Variants in MRAS observed in about 807,000 individuals in gnomAD.
The protein encoded by MRAS is ras-related protein M-Ras.
MRAS carries 4 observed loss-of-function variants against 20.9 expected under a neutral mutation model. The ratio of observed to expected loss-of-function variants is 0.19; its 90% CI spans 0.09 to 0.44. The LOEUF (loss-of-function observed/expected upper bound fraction) is 0.44. Ranked by LOEUF, MRAS falls within the 20% of genes least tolerant of loss-of-function variation. MRAS has a pLI of 0.99. For synonymous variants in MRAS, 98 were observed against 102.9 expected (o/e 0.95, Z 0.29); for missense variants, 154 against 277.5 (o/e 0.56, Z 3.16).
rs115024191 is a variant in MRAS, at chr3:138,366,603, T to C, written c.-18-6263T>C. The stretch of plus-strand genomic sequence containing the variant: ...GGGCCAAGGGAAGCAGCAACAATGA[T>C]GAAGAATGCCCTGTAGGATAGTGAA... On this transcript the variant is annotated intron_variant, in intron 1 of 5. Coordinates refer to ENST00000423968, the MANE Select transcript of MRAS (RefSeq NM_001085049.3). Among the ~76,000 whole-genome samples, 334 of 152,294 alleles carry C rather than the reference T, an allele frequency of 2.2e-3. 5 individuals are homozygous for C. Among genetic ancestry groups the C allele is most frequent in the Non-Finnish European group, 3.2e-4 (22 of 68,016 alleles).
intron 2 of MRAS, among the ~76,000 whole-genome samples, chr3:138,381,984 C>T (rs1164183600): frequency 6.6e-6 from 1 of 152,192 alleles, no homozygotes; most frequent in Non-Finnish European, 1.5e-5. Context: ...AGGCCTTAGG[C>T]CAGCTTCAGA....
intron 4 of MRAS, among the ~76,000 whole-genome samples, chr3:138,399,209 T>G (rs1360781607): frequency 3.3e-5 from 5 of 152,038 alleles, no homozygotes. Flanking sequence ...CTGAGCTCAG[T>G]CTCCTGAGCT....
intron 5 of MRAS, 107 bp from the exon 6 acceptor site, chr3:138,402,063 C>A: frequency 9.2e-7 from 1 of 1,082,344 alleles, no homozygotes; most frequent in Non-Finnish European, 1.4e-6. Context: ...ACTAACCCCG[C>A]CAGAACAGGC....
At chr3:138,348,343 G>C (rs2054155631), upstream of MRAS, 1 of 152,272 alleles carries the variant, frequency 6.6e-6, no homozygotes, top group Admixed American at 6.5e-5. Flanking sequence ...CTGGGCCGCG[G>C]GAGAGGCTGC....
chr3:138,403,294 C>T lies in MRAS; in HGVS notation c.*1025C>T, dbSNP rs896181938. On this transcript the variant is annotated 3_prime_UTR_variant, in exon 6 of 6. Coordinates refer to ENST00000423968, the MANE Select transcript of MRAS (RefSeq NM_001085049.3). ...CCTCTCTGATACGAATACACTGACA[C>T]GTCAAAGTAACCTAATGTGGACACC... is the stretch of plus-strand genomic sequence containing the variant. 2.6e-5 allele frequency: 4 copies of T among 152,148 alleles called. No individual in the cohort carries two copies. Among genetic ancestry groups the T allele is most frequent in the South Asian group, 2.1e-4 (1 of 4,828 alleles). The allele number at this position is 152,148 out of a possible 1,614,324, so 9.4% of individuals were successfully genotyped here.
chr3:138,378,745 A>C (rs146891736), intron 2 of MRAS, among the ~76,000 whole-genome samples: 189 of 152,318 alleles, frequency 1.2e-3, no homozygotes, highest in African/African-American at 4.1e-3. Flanking sequence ...ATAACATAAA[A>C]GTTACCATCT....
intron 2 of MRAS, among the ~76,000 whole-genome samples, chr3:138,379,588 C>T (rs1396158015): frequency 3.9e-5 from 6 of 152,150 alleles, no homozygotes; most frequent in Admixed American, 3.9e-4. Context: ...GAACTCCTGA[C>T]CTCAGGTGAT....
Position 138,382,709 on chromosome 3 carries a change from A to G in MRAS, c.193+9633A>G, listed in dbSNP as rs1387538349. ...TGGAATATGCAACTCCCTACACCCA[A>G]CTCTTAGCACAGCCTGGGCTCGTTC... On this transcript the variant is annotated intron_variant, in intron 2 of 5. Coordinates refer to ENST00000423968, the MANE Select transcript of MRAS (RefSeq NM_001085049.3). Among the ~76,000 whole-genome samples, 3 of 152,100 alleles carry G rather than the reference A, an allele frequency of 2.0e-5. No homozygotes were observed. The East Asian group carries it at 5.8e-4, about 29-fold the overall frequency.
chr3:138,362,966 A>G (rs2054480646), intron 1 of MRAS, among the ~76,000 whole-genome samples: 4 of 151,902 alleles, frequency 2.6e-5, no homozygotes, highest in African/African-American at 7.3e-5. Context: ...TTGGCTTTTC[A>G]TGCCTCCATG....
intron 1 of MRAS, among the ~76,000 whole-genome samples, chr3:138,351,195 G>A (rs1560157074): frequency 6.6e-6 from 1 of 152,170 alleles, no homozygotes; most frequent in Non-Finnish European, 1.5e-5. Flanking sequence ...TTCTGCCAAT[G>A]AAATGCCCCC....
intron 1 of MRAS, among the ~76,000 whole-genome samples, chr3:138,350,581 C>T (rs867396934): frequency 1.3e-5 from 2 of 152,096 alleles, no homozygotes; most frequent in East Asian, 1.9e-4. Context: ...GTGAAGCAAG[C>T]GATTGTCTCC....
chr3:138,352,335 A>T (rs1443582595), intron 1 of MRAS, among the ~76,000 whole-genome samples: 1 of 152,192 alleles, frequency 6.6e-6, no homozygotes, highest in African/African-American at 2.4e-5. Flanking sequence ...GGCCCCCAGC[A>T]CTGAGCCCCT....
intron 4 of MRAS, among the ~76,000 whole-genome samples, chr3:138,399,657 TAAC>T (rs1358105550): frequency 6.6e-6 from 1 of 152,196 alleles, no homozygotes; most frequent in African/African-American, 2.4e-5. Context: ...TTATGAAAAA[TAAC>T]AAAGTTATTC....
At chr3:138,371,016 T>C (rs1293998307) in intron 1 of MRAS, among the ~76,000 whole-genome samples, 3 of 152,272 alleles carry the variant, frequency 2.0e-5, no homozygotes, top group East Asian at 3.9e-4. Flanking sequence ...CTTTAACTTT[T>C]CCCCCCAACA....
intron 1 of MRAS, among the ~76,000 whole-genome samples, chr3:138,360,761 A>G (rs1254099394): frequency 6.6e-6 from 1 of 152,230 alleles, no homozygotes; most frequent in Non-Finnish European, 1.5e-5. Flanking sequence ...GGAAATGCAG[A>G]CAGCAGACAC....
intron 1 of MRAS, among the ~76,000 whole-genome samples, chr3:138,372,503 G>A (rs1468863727): frequency 1.3e-5 from 2 of 152,148 alleles, no homozygotes; most frequent in Non-Finnish European, 2.9e-5. Context: ...GAACCTCCAT[G>A]CCAGCCCTGC....
chr3:138,350,865 C>T lies in MRAS; in HGVS notation c.-19+2098C>T, dbSNP rs554483230. 6.0e-5 allele frequency among the ~76,000 whole-genome samples: 9 copies of T among 150,988 alleles called. No homozygotes were observed. The South Asian group carries it at 1.1e-3, about 18-fold the overall frequency. On this transcript the variant is annotated intron_variant, in intron 1 of 5. Transcript: ENST00000423968. ...GGCTGAGGTGGGAGGATTGCTTAAGCCCAGAAGGCAGAGGTTGGAGTGAGC... is the reference window on the plus strand; with the variant it reads ...GGCTGAGGTGGGAGGATTGCTTAAGTCCAGAAGGCAGAGGTTGGAGTGAGC...
chr3:138,403,274 C>G lies in MRAS; in HGVS notation c.*1005C>G, dbSNP rs2055396689. ...ATCAGCTGTGCTGCTTGGTGCCTCT[C>G]TGATACGAATACACTGACACGTCAA... is the stretch of plus-strand genomic sequence containing the variant. On this transcript the variant is annotated 3_prime_UTR_variant, in exon 6 of 6. Transcript: ENST00000423968. The G allele has an allele frequency of 6.6e-6, 1 of 152,212 alleles. No individual in the cohort carries two copies. The highest frequency in any genetic ancestry group is 2.1e-4 in the South Asian group (1 of 4,836). The allele number at this position is 152,212 out of a possible 1,614,324, so 9.4% of individuals were successfully genotyped here.
At chr3:138,362,940 A>G (rs1292021070) in intron 1 of MRAS, among the ~76,000 whole-genome samples, 1 of 152,144 alleles carries the variant, frequency 6.6e-6, no homozygotes, top group Non-Finnish European at 1.5e-5. Context: ...TGTTGCTCGC[A>G]GTACCGAGTG....
Sources: gnomAD v4.1 joint callset for allele counts (sites outside exome capture counted in the v4.1 genomes callset) on GRCh38, gnomAD v4.1.1 for gene constraint, MANE v1.5 for transcripts, NCBI Gene and HGNC (gene_info 2026-07-23, HGNC 2026-07-21) for gene names.